Variants in TMEM101 observed in about 807,000 individuals in gnomAD.
The protein encoded by TMEM101 is transmembrane protein 101, also known as putative NF-kappa-B-activating protein 130.
A neutral mutation model predicts 26.0 loss-of-function variants in TMEM101; 14 were observed. The observed-to-expected ratio is 0.54, with a 90% CI of 0.36 to 0.84. TMEM101 has a LOEUF of 0.84. Among genes scored for constraint, TMEM101 ranks in the 40% least tolerant of loss-of-function variants. The pLI is 0.01. For missense variants in TMEM101, 292 were observed against 345.1 expected (o/e 0.85, Z 1.22); for synonymous variants, 152 against 145.1 (o/e 1.05, Z -0.34).
chr17:44,019,747 T>TACGGATAC (rs1306562585), upstream of TMEM101, among the ~76,000 whole-genome samples: 4 of 152,164 alleles, frequency 2.6e-5, no homozygotes, highest in Non-Finnish European at 5.9e-5. Flanking sequence ...AAAATACTCT[T>TACGGATAC]ACGGATACAC....
upstream of TMEM101, chr17:44,015,004 C>A: frequency 1.3e-6 from 2 of 1,552,430 alleles, no homozygotes; most frequent in Non-Finnish European, 1.7e-6. Context: ...GAAGCAGGCG[C>A]GGGGATGGGA....
upstream of TMEM101, chr17:44,014,975 C>A: frequency 1.3e-6 from 2 of 1,589,512 alleles, no homozygotes; most frequent in Non-Finnish European, 1.7e-6. Context: ...CAGTCCGCTG[C>A]GGCCTCACCC....
chr17:44,013,165 G>T lies in TMEM101; in HGVS notation c.319-10C>A. 2 of 1,538,722 alleles carry T rather than the reference G, an allele frequency of 1.3e-6. No homozygotes were observed. The highest frequency in any genetic ancestry group is 1.8e-6 in the Non-Finnish European group (2 of 1,131,042). ...GCGAGTACATACGGACCTAGGCCGG[G>T]GTAAGGGGACCCCAGTCAAGAACTG... On this transcript the variant is annotated splice_polypyrimidine_tract_variant and intron_variant, in intron 2 of 3. Coordinates refer to ENST00000206380, the MANE Select transcript of TMEM101 (RefSeq NM_032376.4).
intron 2 of TMEM101, 67 bp from the exon 3 acceptor site, chr17:44,013,222 T>TCGGC: frequency 7.1e-7 from 1 of 1,410,186 alleles, no homozygotes; most frequent in Non-Finnish European, 9.3e-7. Flanking sequence ...CTTCCCAGAG[T>TCGGC]GTAGAACCAC....
intron 2 of TMEM101, among the ~76,000 whole-genome samples, chr17:44,013,412 C>G (rs1382893092): frequency 6.6e-6 from 1 of 152,146 alleles, no homozygotes; most frequent in African/African-American, 2.4e-5. Context: ...GTAATCCCAG[C>G]ACTTTGGGAG....
rs189374578 is a variant in TMEM101, at chr17:44,021,844, C to T, written c.-323-409G>A. Among the ~76,000 whole-genome samples, 27 of 152,314 alleles carry T rather than the reference C, an allele frequency of 1.8e-4. No homozygotes were observed. In the East Asian group the frequency reaches 5.0e-3, roughly 28 times the overall value. The stretch of plus-strand genomic sequence containing the variant: ...AACAATTTCTTGAAAGGGGTATAAG[C>T]TTTGCCGGCCTCTGGCAGCTTCCAG... On this transcript the variant is annotated intron_variant, in intron 1 of 4. Transcript: ENST00000585950.
chr17:44,012,361 G>A (rs892736944), intron 3 of TMEM101, 125 bp from the exon 4 acceptor site: 7 of 906,162 alleles, frequency 7.7e-6, no homozygotes, highest in Middle Eastern at 3.4e-4. Flanking sequence ...CTCTTGGACT[G>A]GGGAACCTCT....
At chr17:44,022,565 G>C (rs746628505) in intron 1 of TMEM101, among the ~76,000 whole-genome samples, 13 of 152,232 alleles carry the variant, frequency 8.5e-5, no homozygotes, top group Non-Finnish European at 1.8e-4. Flanking sequence ...CAGTAAGCAA[G>C]CACCATCCAC....
rs1253491472 is a variant in TMEM101, at chr17:44,014,620, C to G, written c.138-83G>C. Reference sequence around the variant, plus strand: ...TTGAGACCCCTTGAGTTCCCACAGGCTCCACTGCTCCCCCAAACCAGACTC... The same window carrying G: ...TTGAGACCCCTTGAGTTCCCACAGGGTCCACTGCTCCCCCAAACCAGACTC... On this transcript the variant is annotated intron_variant, in intron 1 of 3. Coordinates refer to ENST00000206380, the MANE Select transcript of TMEM101 (RefSeq NM_032376.4). 4 of 1,527,904 alleles carry G rather than the reference C, an allele frequency of 2.6e-6. No homozygotes were observed. The African/African-American group carries it at 4.1e-5, about 16-fold the overall frequency. 94.6% of individuals were successfully genotyped at this position (1,527,904 alleles called of 1,614,324 possible).
intron 2 of TMEM101, among the ~76,000 whole-genome samples, chr17:44,021,121 T>C (rs560175979): frequency 6.7e-4 from 102 of 152,328 alleles, no homozygotes; most frequent in African/African-American, 2.3e-3. Flanking sequence ...GGATTTAAGT[T>C]GCCCACTCTG....
chr17:44,014,956 G>A lies in TMEM101; in HGVS notation c.-4C>T. The A allele has an allele frequency of 1.9e-6, 3 of 1,609,520 alleles. No homozygotes were observed. The highest frequency in any genetic ancestry group is 2.5e-6 in the Non-Finnish European group (3 of 1,177,364). The stretch of plus-strand genomic sequence containing the variant: ...TCGAACCTATCTTCGACGCCATCTT[G>A]GGAAAGGGCAGTCCGCTGCGGCCTC... On this transcript the variant is annotated 5_prime_UTR_variant, in exon 1 of 4. Transcript: ENST00000206380.
rs1312797994 is a variant in TMEM101, at chr17:44,012,891, G to A, written c.465+118C>T. 5.2e-6 allele frequency: 6 copies of A among 1,163,278 alleles called. No homozygotes were observed. In the East Asian group the frequency reaches 1.4e-4, roughly 27 times the overall value. The allele number at this position is 1,163,278 out of a possible 1,614,324, so 72.1% of individuals were successfully genotyped here. ...GCCAGGGCAATTCCCAGGGAACTGG[G>A]CCATCAGGAACTGCACTCAGGGCCT... On this transcript the variant is annotated intron_variant, in intron 3 of 3. Coordinates refer to ENST00000206380, the MANE Select transcript of TMEM101 (RefSeq NM_032376.4).
At chr17:44,016,125 GCACACACACA>G (rs34740275), upstream of TMEM101, among the ~76,000 whole-genome samples, 1 of 147,946 alleles carries the variant, frequency 6.8e-6, no homozygotes, top group South Asian at 2.1e-4. Context: ...AGATACACAC[GCACACACACA>G]CACACACACA....
Position 44,014,916 on chromosome 17 carries a change from G to A in TMEM101, c.37C>T (p.Gln13Ter), listed in dbSNP as rs1567947353. Reference sequence around the variant, plus strand: ...ACCGAACCCAACTGCATGATCAGCTGCAACATCCACCGTCTCGAACCTATC... The same window carrying A: ...ACCGAACCCAACTGCATGATCAGCTACAACATCCACCGTCTCGAACCTATC... Reference protein sequence around the residue: ...SKIGSRRWMLQLIMQLGSVLL... With the variant: ...SKIGSRRWML Residue 13 changes from glutamine (Q) to a stop codon, truncating the protein, a stop_gained, in exon 1 of 4, where the codon CAG becomes TAG. Transcript: ENST00000206380. LOFTEE classifies it high-confidence loss of function. 6.2e-7 allele frequency: 1 copy of A among 1,613,930 alleles called. No individual in the cohort carries two copies. The highest frequency in any genetic ancestry group is 8.5e-7 in the Non-Finnish European group (1 of 1,179,912).
upstream of TMEM101, among the ~76,000 whole-genome samples, chr17:44,017,036 A>G (rs2144025558): frequency 6.6e-6 from 1 of 151,964 alleles, no homozygotes; most frequent in South Asian, 2.1e-4. Flanking sequence ...CTGTAGTCCC[A>G]GCTACTTGGG....
chr17:44,013,011 C>T lies in TMEM101; in HGVS notation c.463G>A (p.Val155Met), dbSNP rs1034087830. ...QVFLGIYLIC[V>M]AYSLQHSKED... The stretch of plus-strand genomic sequence containing the variant: ...CAACCAACAGTCCCCCAACATACCA[C>T]ACAGATGAGGTAGATACCCAGGAAC... The change falls in exon 3 of 4, where the codon GTG becomes ATG. Residue 155 changes from valine (V) to methionine (M), a missense_variant and splice_region_variant. Transcript: ENST00000206380. The T allele has an allele frequency of 6.3e-7, 1 of 1,593,134 alleles. No homozygotes were observed. Among genetic ancestry groups the T allele is most frequent in the Non-Finnish European group, 8.6e-7 (1 of 1,164,968 alleles).
chr17:44,011,795 AC>A lies in TMEM101; in HGVS notation c.*132del. The stretch of plus-strand genomic sequence containing the variant: ...ATGAGCTGCCTCTTAACTGCAAAAA[AC>A]AATTTTAAAAAAGCAAAAGATCAAA... On this transcript the variant is annotated 3_prime_UTR_variant, in exon 4 of 4. Coordinates refer to ENST00000206380, the MANE Select transcript of TMEM101 (RefSeq NM_032376.4). 1 of 1,067,320 alleles carries A rather than the reference AC, an allele frequency of 9.4e-7. No homozygotes were observed. The highest frequency in any genetic ancestry group is 1.6e-5 in the African/African-American group (1 of 62,618). The allele number at this position is 1,067,320 out of a possible 1,614,324, so 66.1% of individuals were successfully genotyped here.
At position 44,014,878 on chromosome 17, in the gene TMEM101, G is replaced by C. The variant is rs151270184; in HGVS notation, c.75C>G (p.Arg25=). ...GGCTGAAGCAGCCCCAAAAGGGGCA[G>C]CGTGTGAGCAGCACCGAACCCAACT... is the stretch of plus-strand genomic sequence containing the variant. ...IMQLGSVLLT[R]CPFWGCFSQL... The change falls in exon 1 of 4, where the codon CGC becomes CGG. Residue 25 remains arginine (R), a synonymous_variant. Coordinates refer to ENST00000206380, the MANE Select transcript of TMEM101 (RefSeq NM_032376.4). 4.8e-5 allele frequency: 78 copies of C among 1,614,060 alleles called. No homozygotes were observed. In the East Asian group the frequency reaches 1.7e-3, roughly 36 times the overall value.
At position 44,014,813 on chromosome 17, in the gene TMEM101, C is replaced by A; in HGVS notation, c.137+3G>T. On this transcript the variant is annotated splice_donor_region_variant and intron_variant, in intron 1 of 3. Coordinates refer to ENST00000206380, the MANE Select transcript of TMEM101 (RefSeq NM_032376.4). ...CGTTTAGCGGCTGCGTAGGCCTGCT[C>A]ACCGGCGTGCCTCAGCCCTCTCAGC... 6.4e-7 allele frequency: 1 copy of A among 1,571,122 alleles called. No individual in the cohort carries two copies. The highest frequency in any genetic ancestry group is 1.2e-5 in the South Asian group (1 of 86,580).
Sources: gnomAD v4.1 joint callset for allele counts (sites outside exome capture counted in the v4.1 genomes callset) on GRCh38, gnomAD v4.1.1 for gene constraint, MANE v1.5 for transcripts, NCBI Gene and HGNC (gene_info 2026-07-23, HGNC 2026-07-21) for gene names.